TFPI: variants seen among roughly 807,000 people sequenced by gnomAD.
TFPI encodes tissue factor pathway inhibitor.
In TFPI, 15 loss-of-function variants were observed where a neutral mutation model predicts 34.6. The observed-to-expected ratio is 0.43, with a 90% CI of 0.29 to 0.67. The LOEUF (loss-of-function observed/expected upper bound fraction) is 0.67, where lower values mean the gene tolerates loss of function less well. TFPI is among the 30% of genes least tolerant of loss of function. TFPI has a pLI of 0.15. For synonymous variants in TFPI, 105 were observed against 120.1 expected (o/e 0.87, Z 0.82); for missense variants, 301 against 364.0 (o/e 0.83, Z 1.41).
intron 6 of TFPI, among the ~76,000 whole-genome samples, chr2:187,475,622 G>T (rs8176547): frequency 0.37 from 55,953 of 151,544 alleles, 10,626 homozygotes; most frequent in Middle Eastern, 0.46. Flanking sequence ...TTGCCACATA[G>T]AACAAATGAG....
chr2:187,472,749 C>A (rs1692121913), intron 6 of TFPI, among the ~76,000 whole-genome samples: 1 of 152,158 alleles, frequency 6.6e-6, no homozygotes, highest in African/African-American at 2.4e-5. Context: ...TGGTGGCTCA[C>A]ACCTGTAATC....
In TFPI at chr2:187,512,000, C is replaced by A. The variant is rs190925354; in HGVS notation, c.-2-8230G>T. On this transcript the variant is annotated intron_variant, in intron 1 of 7. Coordinates refer to ENST00000233156, the MANE Select transcript of TFPI (RefSeq NM_006287.6). Reference sequence around the variant, plus strand: ...TTTAAAAGCCAAGGTAAATTTAAAACCTATAATTGATAATTAAAGGTATTA... The same window carrying A: ...TTTAAAAGCCAAGGTAAATTTAAAAACTATAATTGATAATTAAAGGTATTA... 4.7e-3 allele frequency among the ~76,000 whole-genome samples: 710 copies of A among 152,028 alleles called. 9 individuals are homozygous for A. Among genetic ancestry groups the A allele is most frequent in the African/African-American group, 0.016 (664 of 41,462 alleles).
intron 6 of TFPI, among the ~76,000 whole-genome samples, chr2:187,472,265 T>G (rs1692085650): frequency 6.6e-6 from 1 of 152,190 alleles, no homozygotes; most frequent in Non-Finnish European, 1.5e-5. Flanking sequence ...TATTTCATTT[T>G]ATGAGTTGAC....
chr2:187,484,632 T>C, intron 5 of TFPI, 179 bp downstream of exon 5: 1 of 540,962 alleles, frequency 1.8e-6, no homozygotes, highest in Non-Finnish European at 3.1e-6. Flanking sequence ...ATGAAAATAA[T>C]TTCTTAATTT....
chr2:187,477,039 C>T (rs549853816), intron 6 of TFPI, among the ~76,000 whole-genome samples: 27 of 152,044 alleles, frequency 1.8e-4, no homozygotes, highest in African/African-American at 6.3e-4. Flanking sequence ...TTAAAGATAT[C>T]TATATATTAT....
At chr2:187,482,063 T>G (rs1692906258) in intron 6 of TFPI, among the ~76,000 whole-genome samples, 1 of 152,094 alleles carries the variant, frequency 6.6e-6, no homozygotes, top group Admixed American at 6.6e-5. Flanking sequence ...CCTTTCTAAC[T>G]TGGTAGTATG....
intron 1 of TFPI, among the ~76,000 whole-genome samples, chr2:187,524,936 T>C (rs1399409039): frequency 2.0e-5 from 3 of 151,514 alleles, no homozygotes; most frequent in Admixed American, 6.6e-5. Context: ...TAAAGAAAGG[T>C]GGGCTTAGAA....
chr2:187,553,631 A>G (rs538173025), intron 1 of TFPI, among the ~76,000 whole-genome samples: 2 of 152,274 alleles, frequency 1.3e-5, no homozygotes, highest in African/African-American at 4.8e-5. Flanking sequence ...TCGTTTAAGT[A>G]TCTCAGAATA....
intron 2 of TFPI, among the ~76,000 whole-genome samples, chr2:187,501,430 G>A (rs1171688628): frequency 6.6e-6 from 1 of 151,686 alleles, no homozygotes; most frequent in African/African-American, 2.4e-5. Flanking sequence ...GGGCTTTCAG[G>A]TAACTTACCA....
At chr2:187,469,694 T>G (rs796253460) in intron 6 of TFPI, among the ~76,000 whole-genome samples, 12 of 152,258 alleles carry the variant, frequency 7.9e-5, no homozygotes, top group African/African-American at 2.9e-4. Flanking sequence ...ACATTAGATC[T>G]CTAGGCTTAT....
chr2:187,513,255 A>G (rs1300846846), intron 1 of TFPI, among the ~76,000 whole-genome samples: 1 of 152,146 alleles, frequency 6.6e-6, no homozygotes, highest in African/African-American at 2.4e-5. Flanking sequence ...TAAAAACACA[A>G]CGGGTTTTTT....
chr2:187,546,869 A>C (rs1688896482), intron 1 of TFPI: 1 of 152,230 alleles, frequency 6.6e-6, no homozygotes, highest in South Asian at 2.1e-4. Context: ...AGTTAAAATC[A>C]ATCTATTAAT....
chr2:187,465,097 G>A lies in TFPI; in HGVS notation c.*1839C>T, dbSNP rs1382159854. 1 of 152,190 alleles carries A rather than the reference G, an allele frequency of 6.6e-6. No homozygotes were observed. The highest frequency in any genetic ancestry group is 1.9e-4 in the East Asian group (1 of 5,200). The allele number at this position is 152,190 out of a possible 1,614,324, so 9.4% of individuals were successfully genotyped here. A position where few individuals can be genotyped will look rare whatever the true frequency, so the allele number is the denominator to read the frequency against. Reference sequence around the variant, plus strand: ...CAAAAACATACATCAAAATTAAATGGTGAGGTTGAAGGTTGTAGTTAAGTA... The same window carrying A: ...CAAAAACATACATCAAAATTAAATGATGAGGTTGAAGGTTGTAGTTAAGTA... On this transcript the variant is annotated 3_prime_UTR_variant, in exon 8 of 8. Transcript: ENST00000233156.
chr2:187,485,639 G>A (rs931541624), intron 4 of TFPI, among the ~76,000 whole-genome samples: 7 of 151,736 alleles, frequency 4.6e-5, no homozygotes, highest in Middle Eastern at 3.4e-3. Context: ...TCAAGGATTG[G>A]AGAGGCTTTT....
At chr2:187,540,337 A>G (rs541188401) in intron 1 of TFPI, among the ~76,000 whole-genome samples, 1 of 152,352 alleles carries the variant, frequency 6.6e-6, no homozygotes, top group Non-Finnish European at 1.5e-5. Context: ...ATATCATACT[A>G]TGATCAAAAT....
At chr2:187,487,597 C>T (rs1693369662) in intron 4 of TFPI, among the ~76,000 whole-genome samples, 1 of 151,292 alleles carries the variant, frequency 6.6e-6, no homozygotes, top group African/African-American at 2.4e-5. Flanking sequence ...ATGTAAATGC[C>T]ATAACTGACA....
At chr2:187,478,936 A>C in intron 6 of TFPI, 1 of 652,022 alleles carries the variant, frequency 1.5e-6, no homozygotes, top group Non-Finnish European at 2.5e-6. Context: ...AAATCTTGTA[A>C]TCTAGACAGT....
At chr2:187,545,947 G>T (rs1019851585) in intron 1 of TFPI, among the ~76,000 whole-genome samples, 6 of 152,070 alleles carry the variant, frequency 3.9e-5, no homozygotes, top group Admixed American at 3.9e-4. Flanking sequence ...TGGAAGTGGA[G>T]AAGTGAAACT....
At chr2:187,485,069 G>T in intron 4 of TFPI, 82 bp from the exon 5 acceptor site, 1 of 1,090,634 alleles carries the variant, frequency 9.2e-7, no homozygotes, top group Non-Finnish European at 1.2e-6. Flanking sequence ...TAAATACCTG[G>T]CTAAGTTATT....
Sources: gnomAD v4.1 joint callset for allele counts (sites outside exome capture counted in the v4.1 genomes callset) on GRCh38, gnomAD v4.1.1 for gene constraint, MANE v1.5 for transcripts, NCBI Gene and HGNC (gene_info 2026-07-23, HGNC 2026-07-21) for gene names.